Variants in TIAL1 observed in about 807,000 individuals in gnomAD.
The protein encoded by TIAL1 is nucleolysin TIAR.
TIAL1 carries 7 observed loss-of-function variants against 59.7 expected under a neutral mutation model. That is an observed-to-expected ratio of 0.12 (90% CI 0.07 to 0.22). The LOEUF (loss-of-function observed/expected upper bound fraction) is 0.22, where lower values mean the gene tolerates loss of function less well. Among genes scored for constraint, TIAL1 ranks in the 10% least tolerant of loss-of-function variants. The pLI is 1.00. For synonymous variants in TIAL1, 149 were observed against 146.3 expected (o/e 1.02, Z -0.13); for missense variants, 225 against 462.5 (o/e 0.49, Z 4.71).
chr10:119,583,771 T>C (rs1479444695), intron 2 of TIAL1, among the ~76,000 whole-genome samples: 1 of 152,166 alleles, frequency 6.6e-6, no homozygotes, highest in African/African-American at 2.4e-5. Context: ...GTGGGATCGT[T>C]AATACTGACA....
At chr10:119,588,624 G>A (rs935222543) in intron 1 of TIAL1, among the ~76,000 whole-genome samples, 3 of 152,164 alleles carry the variant, frequency 2.0e-5, no homozygotes, top group Non-Finnish European at 2.9e-5. Context: ...AATTACAAGC[G>A]TGAGCCACTG....
intron 2 of TIAL1, among the ~76,000 whole-genome samples, chr10:119,587,112 A>T (rs1190277535): frequency 6.6e-6 from 1 of 152,256 alleles, no homozygotes; most frequent in Non-Finnish European, 1.5e-5. Flanking sequence ...AAAGACAATC[A>T]AAAGGCCAAT....
intron 6 of TIAL1, 126 bp from the exon 7 acceptor site, chr10:119,578,960 A>C: frequency 1.5e-6 from 1 of 686,082 alleles, no homozygotes; most frequent in South Asian, 1.8e-5. Flanking sequence ...AAATATCCTA[A>C]ACAAAACGAA....
Position 119,573,864 on chromosome 10 carries a change from A to G in TIAL1, c.*1801T>C, listed in dbSNP as rs1844820579. ...AATTTGGCCCAGCTATGAATTTCAG[A>G]CCCTATGAATTTTTATGTTGAATAC... On this transcript the variant is annotated 3_prime_UTR_variant, in exon 12 of 12. Coordinates refer to ENST00000436547, the MANE Select transcript of TIAL1 (RefSeq NM_003252.4). 1 of 152,226 alleles carries G rather than the reference A, an allele frequency of 6.6e-6. No homozygotes were observed. The highest frequency in any genetic ancestry group is 2.1e-4 in the South Asian group (1 of 4,836). 9.4% of individuals were successfully genotyped at this position (152,226 alleles called of 1,614,324 possible). A position where few individuals can be genotyped will look rare whatever the true frequency, so the allele number is the denominator to read the frequency against.
At chr10:119,586,930 T>C (rs1845595153) in intron 2 of TIAL1, among the ~76,000 whole-genome samples, 1 of 152,186 alleles carries the variant, frequency 6.6e-6, no homozygotes, top group Non-Finnish European at 1.5e-5. Context: ...ATGGCTTACA[T>C]CCCTATTTGC....
At chr10:119,576,507 A>T in intron 11 of TIAL1, 104 bp downstream of exon 11, 1 of 1,424,018 alleles carries the variant, frequency 7.0e-7, no homozygotes, top group Non-Finnish European at 9.5e-7. Flanking sequence ...AATGCCAAAT[A>T]GCTCAATGTA....
chr10:119,586,259 T>C (rs1437548822), intron 2 of TIAL1, among the ~76,000 whole-genome samples: 2 of 152,190 alleles, frequency 1.3e-5, no homozygotes, highest in African/African-American at 4.8e-5. Context: ...AGCAAATAAA[T>C]AGCATTACCA....
chr10:119,579,553 GAAT>G (rs1845203230), intron 6 of TIAL1, among the ~76,000 whole-genome samples: 1 of 152,124 alleles, frequency 6.6e-6, no homozygotes, highest in South Asian at 2.1e-4. Context: ...ATAAGAGTAT[GAAT>G]AATAATTTAA....
intron 7 of TIAL1, 133 bp downstream of exon 7, chr10:119,578,593 C>A: frequency 2.7e-6 from 2 of 746,588 alleles, no homozygotes; most frequent in East Asian, 5.4e-5. Flanking sequence ...ATCATGCCAC[C>A]GCACTCCAGC....
chr10:119,584,551 G>A (rs962721246), intron 2 of TIAL1, among the ~76,000 whole-genome samples: 6 of 152,132 alleles, frequency 3.9e-5, no homozygotes, highest in Non-Finnish European at 8.8e-5. Flanking sequence ...TATGGGCTGG[G>A]TGCAGTGGCT....
chr10:119,577,052 T>C (rs781773176), intron 10 of TIAL1, 28 bp downstream of exon 10: 3 of 1,610,988 alleles, frequency 1.9e-6, no homozygotes, highest in Non-Finnish European at 1.7e-6. Context: ...ATGGAAACCT[T>C]AAAGAATGCT....
chr10:119,587,151 G>A (rs1488584889), intron 2 of TIAL1, among the ~76,000 whole-genome samples: 4 of 152,164 alleles, frequency 2.6e-5, no homozygotes, highest in Non-Finnish European at 2.9e-5. Context: ...ACAGTTCTCC[G>A]TTTCAGGATA....
At position 119,596,663 on chromosome 10, in the gene TIAL1, G is replaced by A. The variant is rs900177549; in HGVS notation, c.-198C>T. On this transcript the variant is annotated 5_prime_UTR_variant, in exon 1 of 12. Coordinates refer to ENST00000436547, the MANE Select transcript of TIAL1 (RefSeq NM_003252.4). The stretch of plus-strand genomic sequence containing the variant: ...CCAGGAGGAGCAGGAGGAGGAGGAG[G>A]ATGAACAAAATGGCCGCCGCCACCA... The A allele has an allele frequency of 7.9e-5, 47 of 594,458 alleles. No homozygotes were observed. Among genetic ancestry groups the A allele is most frequent in the Non-Finnish European group, 1.3e-4 (45 of 335,008 alleles). 36.8% of individuals were successfully genotyped at this position (594,458 alleles called of 1,614,324 possible).
In TIAL1 at chr10:119,573,930, AC is replaced by A. The variant is rs1330986128; in HGVS notation, c.*1734del. ...TAAGTGGGAAAAGGAGGAAAGTAATACCAAAATTATTGTGACCACCAATTTA... is the reference window on the plus strand; with the variant it reads ...TAAGTGGGAAAAGGAGGAAAGTAATACAAAATTATTGTGACCACCAATTTA... On this transcript the variant is annotated 3_prime_UTR_variant, in exon 12 of 12. Transcript: ENST00000436547. 1 of 152,358 alleles carries A rather than the reference AC, an allele frequency of 6.6e-6. No homozygotes were observed. Among genetic ancestry groups the A allele is most frequent in the Admixed American group, 6.5e-5 (1 of 15,284 alleles). The allele number at this position is 152,358 out of a possible 1,614,324, so 9.4% of individuals were successfully genotyped here.
chr10:119,590,715 AAT>A (rs1351962385), intron 1 of TIAL1, among the ~76,000 whole-genome samples: 1 of 151,510 alleles, frequency 6.6e-6, no homozygotes, highest in Non-Finnish European at 1.5e-5. Flanking sequence ...ATCTCAAAAA[AAT>A]AAATAAAAAA....
chr10:119,580,912 C>A, intron 5 of TIAL1: 1 of 944,632 alleles, frequency 1.1e-6, no homozygotes, highest in Non-Finnish European at 1.4e-6. Flanking sequence ...CTGCAGGTCT[C>A]AGGTATAAAT....
At chr10:119,588,684 T>G (rs762148036) in intron 1 of TIAL1, among the ~76,000 whole-genome samples, 61 of 152,272 alleles carry the variant, frequency 4.0e-4, no homozygotes, top group Non-Finnish European at 7.5e-4. Flanking sequence ...TTCAACAAAA[T>G]TTCTCCAATT....
intron 5 of TIAL1, 104 bp downstream of exon 5, chr10:119,581,818 C>A: frequency 1.1e-6 from 1 of 884,558 alleles, no homozygotes; most frequent in South Asian, 1.9e-5. Context: ...AGAAACAAAA[C>A]AAAACCATAC....
rs185036091 is a variant in TIAL1 at position 119,575,487 on chromosome 10, A to G, written c.*178T>C. The stretch of plus-strand genomic sequence containing the variant: ...TCATATCCATCATGAACAAAAACTT[A>G]AAAAGGCAGAACTAGAAGACACGTG... On this transcript the variant is annotated 3_prime_UTR_variant, in exon 12 of 12. Transcript: ENST00000436547. The G allele has an allele frequency of 1.5e-6, 1 of 661,532 alleles. No individual in the cohort carries two copies. The highest frequency in any genetic ancestry group is 3.4e-5 in the East Asian group (1 of 29,644). The allele number at this position is 661,532 out of a possible 1,614,324, so 41.0% of individuals were successfully genotyped here.
Sources: gnomAD v4.1 joint callset for allele counts (sites outside exome capture counted in the v4.1 genomes callset) on GRCh38, gnomAD v4.1.1 for gene constraint, MANE v1.5 for transcripts, NCBI Gene and HGNC (gene_info 2026-07-23, HGNC 2026-07-21) for gene names.